The following GAS2 variants were observed in gnomAD, a reference collection of about 807,000 sequenced individuals.
GAS2 encodes the protein growth arrest specific 2, also known as growth arrest-specific protein 2.
In GAS2, 20 loss-of-function variants were observed where a neutral mutation model predicts 37.5. The observed-to-expected ratio is 0.53, with a 90% CI of 0.37 to 0.77. GAS2 has a LOEUF of 0.77. Among genes scored for constraint, GAS2 ranks in the 30% least tolerant of loss-of-function variants. GAS2 has a pLI of 0.00. For synonymous variants in GAS2, 144 were observed against 132.2 expected (o/e 1.09, Z -0.61); for missense variants, 336 against 373.4 (o/e 0.90, Z 0.82).
In GAS2 at chr11:22,641,200, T is replaced by TTCTTTATATATA. The variant is rs1554964872; in HGVS notation, c.-21+15388_-21+15389insCTTTATATATAT. Among the ~76,000 whole-genome samples the TTCTTTATATATA allele has an allele frequency of 2.2e-5, 3 of 135,342 alleles. No homozygotes were observed. In the Admixed American group the frequency reaches 2.3e-4, roughly 10 times the overall value. 88.8% of individuals were successfully genotyped at this position (135,342 alleles called of 152,430 possible). On this transcript the variant is annotated intron_variant, in intron 1 of 5. Coordinates refer to the GAS2 transcript ENST00000528582. ...AGGTTCCAGGATTCTGGTTCTTTCTTTATATATATATATATATATGTGTGT... is the reference window on the plus strand; with the variant it reads ...AGGTTCCAGGATTCTGGTTCTTTCTTTCTTTATATATATATATATATATATATATATGTGTGT...
At chr11:22,797,574 C>T (rs977778203) in intron 7 of GAS2, among the ~76,000 whole-genome samples, 1 of 152,058 alleles carries the variant, frequency 6.6e-6, no homozygotes, top group African/African-American at 2.4e-5. Flanking sequence ...AACTGGGCAT[C>T]AGAAGACTAG....
intron 6 of GAS2, among the ~76,000 whole-genome samples, chr11:22,754,787 G>A (rs982696761): frequency 6.6e-6 from 1 of 152,080 alleles, no homozygotes; most frequent in African/African-American, 2.4e-5. Flanking sequence ...ATTATTTGAA[G>A]GAATGATTGC....
At chr11:22,718,005 T>A (rs2403750) in intron 3 of GAS2, among the ~76,000 whole-genome samples, 7,837 of 152,076 alleles carry the variant, frequency 0.052, 276 homozygotes, top group Middle Eastern at 0.13. Context: ...AAGGAACACT[T>A]TTTTTTACTG....
chr11:22,626,529 G>A (rs188802312), intron 1 of GAS2: 2 of 152,898 alleles, frequency 1.3e-5, no homozygotes, highest in African/African-American at 4.8e-5. Flanking sequence ...TAAGAGCATC[G>A]AACAATAATA....
chr11:22,702,743 T>C (rs201945312), intron 3 of GAS2: 1 of 152,120 alleles, frequency 6.6e-6, no homozygotes, highest in East Asian at 1.9e-4. Flanking sequence ...ATGCTCCTAA[T>C]AAGGACTTTG....
intron 1 of GAS2, among the ~76,000 whole-genome samples, chr11:22,640,713 A>G (rs1858899341): frequency 6.6e-6 from 1 of 152,164 alleles, no homozygotes; most frequent in African/African-American, 2.4e-5. Context: ...ATGTTTAATC[A>G]CCTGTATTCA....
intron 1 of GAS2, among the ~76,000 whole-genome samples, chr11:22,669,441 C>G (rs751836531): frequency 1.3e-5 from 2 of 152,062 alleles, no homozygotes; most frequent in Non-Finnish European, 2.9e-5. Context: ...AATTCCCATT[C>G]AGGTTTTTTT....
At chr11:22,709,913 A>T (rs1196583075) in intron 3 of GAS2, among the ~76,000 whole-genome samples, 1 of 151,842 alleles carries the variant, frequency 6.6e-6, no homozygotes, top group Non-Finnish European at 1.5e-5. Flanking sequence ...TTGCAAGGAC[A>T]AAAAAACCAA....
chr11:22,656,677 G>A (rs1371626532), intron 1 of GAS2, among the ~76,000 whole-genome samples: 2 of 152,182 alleles, frequency 1.3e-5, no homozygotes, highest in African/African-American at 4.8e-5. Context: ...TAAGATGTAT[G>A]AGCTGGAGAA....
chr11:22,794,629 A>C (rs1047128543), intron 7 of GAS2, among the ~76,000 whole-genome samples: 1 of 152,178 alleles, frequency 6.6e-6, no homozygotes, highest in Non-Finnish European at 1.5e-5. Flanking sequence ...TATAATGATC[A>C]TGTAAATATT....
At chr11:22,756,158 G>T (rs766134347) in intron 7 of GAS2, among the ~76,000 whole-genome samples, 1 of 151,914 alleles carries the variant, frequency 6.6e-6, no homozygotes, top group African/African-American at 2.4e-5. Context: ...ATACCAAAAC[G>T]CATATACACC....
At chr11:22,690,606 C>A (rs1418869375) in intron 3 of GAS2, among the ~76,000 whole-genome samples, 2 of 151,966 alleles carry the variant, frequency 1.3e-5, no homozygotes, top group African/African-American at 4.8e-5. Flanking sequence ...ACTGTAATTA[C>A]AAATCTTAAT....
intron 1 of GAS2, among the ~76,000 whole-genome samples, chr11:22,633,790 A>G (rs1858779953): frequency 6.6e-6 from 1 of 152,190 alleles, no homozygotes; most frequent in Non-Finnish European, 1.5e-5. Flanking sequence ...AGCTATTCAG[A>G]TGAGACAGGC....
At position 22,809,633 on chromosome 11, in the gene GAS2, G is replaced by A. The variant is rs182001647; in HGVS notation, c.724-2165G>A. 6.3e-3 allele frequency among the ~76,000 whole-genome samples: 939 copies of A among 148,642 alleles called. 13 individuals are homozygous for A. The highest frequency in any genetic ancestry group is 0.038 in the East Asian group (193 of 5,084). On this transcript the variant is annotated intron_variant, in intron 7 of 7. Transcript: ENST00000454584. ...CTCCCGAGTAGCTGAGACTACAGGCGCCTGCCACCATGCCCAGCTAATTTT... is the reference window on the plus strand; with the variant it reads ...CTCCCGAGTAGCTGAGACTACAGGCACCTGCCACCATGCCCAGCTAATTTT...
At position 22,786,759 on chromosome 11, in the gene GAS2, G is replaced by A. The variant is rs1447231700; in HGVS notation, c.724-25039G>A. On this transcript the variant is annotated intron_variant, in intron 7 of 7. Transcript: ENST00000454584. Reference sequence around the variant, plus strand: ...GGTAGGACATTGTCAGTGTTGGTGAGTGCAAACTTGTATCTCCTTCAGTGC... The same window carrying A: ...GGTAGGACATTGTCAGTGTTGGTGAATGCAAACTTGTATCTCCTTCAGTGC... Among the ~76,000 whole-genome samples, 6 of 152,166 alleles carry A rather than the reference G, an allele frequency of 3.9e-5. 1 individual carries two copies.
chr11:22,741,971 G>A (rs1853111303), intron 5 of GAS2, among the ~76,000 whole-genome samples: 1 of 152,066 alleles, frequency 6.6e-6, no homozygotes, highest in Non-Finnish European at 1.5e-5. Flanking sequence ...AATAGTTTGA[G>A]TAAATTTTCT....
rs1160805247 is a variant in GAS2, at chr11:22,807,322, A to G, written c.724-4476A>G. Among the ~76,000 whole-genome samples the G allele has an allele frequency of 2.6e-5, 4 of 152,356 alleles. No individual in the cohort carries two copies. In the East Asian group the frequency reaches 7.7e-4, roughly 29 times the overall value. On this transcript the variant is annotated intron_variant, in intron 7 of 7. Coordinates refer to ENST00000454584, the MANE Select transcript of GAS2 (RefSeq NM_001143830.3). Reference sequence around the variant, plus strand: ...ATCTTCCAAGAGAAAGAAACCTCTGATATCTGATTTTACTATTAGTAATGT... The same window carrying G: ...ATCTTCCAAGAGAAAGAAACCTCTGGTATCTGATTTTACTATTAGTAATGT...
At chr11:22,805,842 A>T (rs1856857850) in intron 7 of GAS2, among the ~76,000 whole-genome samples, 1 of 152,114 alleles carries the variant, frequency 6.6e-6, no homozygotes. Flanking sequence ...CTTTTGGACC[A>T]TATAGGGTAA....
At chr11:22,674,070 T>G (rs1429532677) in intron 1 of GAS2, among the ~76,000 whole-genome samples, 1 of 152,186 alleles carries the variant, frequency 6.6e-6, no homozygotes, top group African/African-American at 2.4e-5. Flanking sequence ...ATCATCAATA[T>G]GGGTTCTTGG....
Sources: allele counts gnomAD v4.1 joint callset (sites outside exome capture counted in the v4.1 genomes callset), GRCh38; gene constraint gnomAD v4.1.1; transcripts MANE v1.5; gene names NCBI Gene and HGNC (gene_info 2026-07-23, HGNC 2026-07-21).